The following EFR3B variants were observed in gnomAD, a reference collection of about 807,000 sequenced individuals.
EFR3B encodes the protein protein EFR3 homolog B.
Under a neutral mutation model 104.7 loss-of-function variants are expected in EFR3B, and 64 were observed. The ratio of observed to expected loss-of-function variants is 0.61; its 90% CI spans 0.50 to 0.75. The LOEUF (loss-of-function observed/expected upper bound fraction) is 0.75. EFR3B is among the 30% of genes least tolerant of loss of function. The probability of loss-of-function intolerance (pLI) is 0.00; values close to 1 mark genes in which losing one functional copy is unlikely to be tolerated. For missense variants in EFR3B, 750 were observed against 1,078.5 expected, an observed-to-expected ratio of 0.70 and a Z score of 4.27; for synonymous variants, 385 against 417.9, an observed-to-expected ratio of 0.92 and a Z score of 0.96.
At chr2:25,126,206 T>C (rs1670163533) in intron 5 of EFR3B, among the ~76,000 whole-genome samples, 1 of 152,082 alleles carries the variant, frequency 6.6e-6, no homozygotes, top group East Asian at 1.9e-4. Flanking sequence ...TGAGACAGAG[T>C]TTCACTCTTT....
chr2:25,078,392 CTTGTCTT>C (rs1371828490), intron 1 of EFR3B, among the ~76,000 whole-genome samples: 1 of 152,176 alleles, frequency 6.6e-6, no homozygotes, highest in African/African-American at 2.4e-5. Flanking sequence ...AAGTCCAGCC[CTTGTCTT>C]TACAAGAAGA....
At chr2:25,149,472 G>A (rs1433764645) in intron 19 of EFR3B, among the ~76,000 whole-genome samples, 3 of 152,212 alleles carry the variant, frequency 2.0e-5, no homozygotes, top group South Asian at 2.1e-4. Flanking sequence ...GTCTAAGTCT[G>A]AATCTGATGA....
At chr2:25,078,250 T>C (rs1668690649) in intron 1 of EFR3B, among the ~76,000 whole-genome samples, 1 of 152,214 alleles carries the variant, frequency 6.6e-6, no homozygotes. Context: ...TTGAATCAGA[T>C]GCACCTCTCT....
chr2:25,141,328 G>T (rs1159076006), intron 16 of EFR3B, 38 bp from the exon 17 acceptor site: 1 of 1,546,966 alleles, frequency 6.5e-7, no homozygotes, highest in Admixed American at 2.0e-5. Flanking sequence ...CCCTCTCCCT[G>T]CTGAACCAGC....
In EFR3B at chr2:25,042,121, G is replaced by C. The variant is rs1667587933; in HGVS notation, c.-192G>C. The C allele has an allele frequency of 2.5e-6, 1 of 393,912 alleles. No individual in the cohort carries two copies. The highest frequency in any genetic ancestry group is 4.1e-6 in the Non-Finnish European group (1 of 242,870). The allele number at this position is 393,912 out of a possible 1,614,324, so 24.4% of individuals were successfully genotyped here. On this transcript the variant is annotated 5_prime_UTR_variant, in exon 1 of 23. Coordinates refer to ENST00000403714, the MANE Select transcript of EFR3B (RefSeq NM_014971.2). The surrounding 1 kb of genome is among the most constrained non-coding windows in gnomAD (Gnocchi z 5.4). Reference sequence around the variant, plus strand: ...GCGGAGGCGGCCGCTGCAGCCCGGCGCTGAATGGGCTGGCGGCGCCCGGCT... The same window carrying C: ...GCGGAGGCGGCCGCTGCAGCCCGGCCCTGAATGGGCTGGCGGCGCCCGGCT...
At chr2:25,068,979 G>A (rs1480746132) in intron 1 of EFR3B, among the ~76,000 whole-genome samples, 1 of 145,232 alleles carries the variant, frequency 6.9e-6, no homozygotes, top group Non-Finnish European at 1.5e-5. Flanking sequence ...TGTCACCCAG[G>A]CTGGAATGCA....
chr2:25,092,926 A>T (rs1669173051), intron 2 of EFR3B, 77 bp from the exon 3 acceptor site: 2 of 1,497,140 alleles, frequency 1.3e-6, no homozygotes, highest in Admixed American at 2.2e-5. Flanking sequence ...ATTCCGTCGA[A>T]TTATTATTTT....
chr2:25,145,139 T>G, intron 19 of EFR3B, 88 bp downstream of exon 19: 1 of 1,186,104 alleles, frequency 8.4e-7, no homozygotes, highest in Non-Finnish European at 1.2e-6. Flanking sequence ...CATAGTGGGC[T>G]TAAGGCTGCA....
chr2:25,109,172 CAAAA>C (rs57184887), intron 4 of EFR3B, among the ~76,000 whole-genome samples: 1 of 145,796 alleles, frequency 6.9e-6, no homozygotes, highest in African/African-American at 2.5e-5. Context: ...GACTTAACAA[CAAAA>C]AAAAAAACCT....
At chr2:25,102,890 C>T (rs1669462907) in intron 3 of EFR3B, among the ~76,000 whole-genome samples, 1 of 152,190 alleles carries the variant, frequency 6.6e-6, no homozygotes, top group African/African-American at 2.4e-5. Context: ...CTGTCTTATT[C>T]CCTAAGTAAG....
At chr2:25,107,341 C>A (rs1464594082) in intron 4 of EFR3B, among the ~76,000 whole-genome samples, 1 of 152,174 alleles carries the variant, frequency 6.6e-6, no homozygotes, top group Non-Finnish European at 1.5e-5. Flanking sequence ...TCCCTCAGAC[C>A]TGGTTTTGCT....
rs575598484 is a variant in EFR3B, at chr2:25,135,713, C to G, written c.1484+74C>G. 2.0e-6 allele frequency: 3 copies of G among 1,500,558 alleles called. No individual in the cohort carries two copies. The African/African-American group carries it at 4.2e-5, about 21-fold the overall frequency. The allele number at this position is 1,500,558 out of a possible 1,614,324, so 93.0% of individuals were successfully genotyped here. On this transcript the variant is annotated intron_variant, in intron 13 of 22. Coordinates refer to ENST00000403714, the MANE Select transcript of EFR3B (RefSeq NM_014971.2). ...CTCCATTAGGTCCTATCCTTTGGTC[C>G]TGTCCTCACACCCAGGTTCCCACCT...
rs2149216363 is a variant in EFR3B, at chr2:25,155,224, T to G, written c.*884T>G. 6.6e-6 allele frequency: 1 copy of G among 152,280 alleles called. No homozygotes were observed. Among genetic ancestry groups the G allele is most frequent in the Admixed American group, 6.5e-5 (1 of 15,288 alleles). The allele number at this position is 152,280 out of a possible 1,614,324, so 9.4% of individuals were successfully genotyped here. ...AGGGGAACTACAGGGTCCCCAAGAT[T>G]TGCCCACATCACCTCCTATGGAAAA... On this transcript the variant is annotated 3_prime_UTR_variant, in exon 23 of 23. Transcript: ENST00000403714.
intron 1 of EFR3B, among the ~76,000 whole-genome samples, chr2:25,073,302 C>T (rs1392145782): frequency 6.6e-6 from 1 of 151,822 alleles, no homozygotes; most frequent in Non-Finnish European, 1.5e-5. Flanking sequence ...TATTCCAAGG[C>T]GTGCTCTCTC....
chr2:25,045,841 G>A (rs1180894042), intron 1 of EFR3B, among the ~76,000 whole-genome samples: 2 of 152,042 alleles, frequency 1.3e-5, no homozygotes, highest in Admixed American at 6.6e-5. Context: ...CTGGGCTGGA[G>A]CATCCCGTTT....
chr2:25,121,833 A>C, intron 5 of EFR3B, 39 bp downstream of exon 5: 3 of 1,551,580 alleles, frequency 1.9e-6, no homozygotes, highest in Non-Finnish European at 1.7e-6. Flanking sequence ...TTCAGCTTAC[A>C]GCAGAAGCAA....
Position 25,149,654 on chromosome 2 carries a change from C to T in EFR3B, c.2143-40C>T, listed in dbSNP as rs758159634. The T allele has an allele frequency of 2.0e-4, 310 of 1,546,922 alleles. 1 individual carries two copies. The highest frequency in any genetic ancestry group is 2.6e-4 in the Non-Finnish European group (297 of 1,142,962). On this transcript the variant is annotated intron_variant, in intron 19 of 22. Transcript: ENST00000403714. ...GTGCCAGGGCTGCCTCCTTTCTCTG[C>T]CCCCTGCCTTTCTGAGCATCTCTGT...
At chr2:25,063,781 G>C (rs542907698) in intron 1 of EFR3B, among the ~76,000 whole-genome samples, 1 of 152,272 alleles carries the variant, frequency 6.6e-6, no homozygotes, top group East Asian at 1.9e-4. Context: ...GCAGTAACAG[G>C]GTCACCCTCT....
intron 1 of EFR3B, among the ~76,000 whole-genome samples, chr2:25,056,752 C>T (rs1291969723): frequency 1.3e-5 from 2 of 152,102 alleles, no homozygotes; most frequent in Admixed American, 6.6e-5. Flanking sequence ...CTTTTTTCCA[C>T]AGGGCTGCTC....
Sources: gnomAD v4.1 joint callset for allele counts (sites outside exome capture counted in the v4.1 genomes callset) on GRCh38, gnomAD v4.1.1 for gene constraint, Gnocchi (gnomAD v3.1) non-coding constraint, MANE v1.5 for transcripts, NCBI Gene and HGNC (gene_info 2026-07-23, HGNC 2026-07-21) for gene names.